The following MYO5C variants were observed in gnomAD, a reference collection of about 807,000 sequenced individuals.
MYO5C encodes unconventional myosin-Vc.
MYO5C carries 194 observed loss-of-function variants against 235.7 expected under a neutral mutation model. That is an observed-to-expected ratio of 0.82 (90% CI 0.73 to 0.93). MYO5C has a LOEUF of 0.93. Among genes scored for constraint, MYO5C ranks in the 40% least tolerant of loss-of-function variants. The pLI is 0.00. For synonymous variants in MYO5C, 707 were observed against 754.8 expected (o/e 0.94, Z 1.04); for missense variants, 2,038 against 2,127.2 (o/e 0.96, Z 0.82).
At chr15:52,286,468 T>G (rs914510317) in intron 1 of MYO5C, among the ~76,000 whole-genome samples, 1 of 152,074 alleles carries the variant, frequency 6.6e-6, no homozygotes, top group Non-Finnish European at 1.5e-5. Flanking sequence ...GAACGGGCCA[T>G]GATGACAATG....
intron 39 of MYO5C, among the ~76,000 whole-genome samples, chr15:52,195,711 T>G (rs1320782804): frequency 1.3e-5 from 2 of 152,026 alleles, no homozygotes; most frequent in Non-Finnish European, 2.9e-5. Context: ...ACCTCCCACA[T>G]GGCCACCCCT....
chr15:52,275,673 A>C lies in MYO5C; in HGVS notation c.495T>G (p.Ala165=), dbSNP rs1276208738. The change falls in exon 5 of 41, where the codon GCT becomes GCG. Residue 165 remains alanine, a synonymous_variant. Transcript: ENST00000261839. ...CATAGCGAGCCGACACTGTCTTTCC[A>C]GCACCTGACTCCCCACTTACAATTA... is the stretch of plus-strand genomic sequence containing the variant. The part of the protein sequence containing the change: ...QSIIVSGESG[A]GKTVSARYAM... The C allele has an allele frequency of 1.9e-6, 3 of 1,614,102 alleles. No individual in the cohort carries two copies. The highest frequency in any genetic ancestry group is 2.5e-6 in the Non-Finnish European group (3 of 1,180,058).
intron 24 of MYO5C, among the ~76,000 whole-genome samples, chr15:52,232,358 G>GGAAAA (rs1161164705): frequency 3.7e-5 from 5 of 135,754 alleles, no homozygotes; most frequent in Admixed American, 1.5e-4. Flanking sequence ...AAGAAAGAAA[G>GGAAAA]GAAAAGAAAA....
In MYO5C at chr15:52,229,145, G is replaced by A; in HGVS notation, c.3195C>T (p.Ser1065=). 1 of 1,614,176 alleles carries A rather than the reference G, an allele frequency of 6.2e-7. No individual in the cohort carries two copies. Among genetic ancestry groups the A allele is most frequent in the African/African-American group, 1.3e-5 (1 of 75,052 alleles). The change falls in exon 25 of 41, where the codon AGC becomes AGT. Residue 1065 remains serine, a synonymous_variant. Coordinates refer to ENST00000261839, the MANE Select transcript of MYO5C (RefSeq NM_018728.4). ...DGLKAEVARL[S]KQVKTISEFE... is the part of the protein sequence containing the mutation. Reference sequence around the variant, plus strand: ...AGAGCCGCTCTACCTTGACCTGCTTGCTCAGGCGGGCCACTTCCGCCTTCA... The same window carrying A: ...AGAGCCGCTCTACCTTGACCTGCTTACTCAGGCGGGCCACTTCCGCCTTCA...
At chr15:52,268,819 G>C (rs1279891764) in intron 8 of MYO5C, among the ~76,000 whole-genome samples, 1 of 152,180 alleles carries the variant, frequency 6.6e-6, no homozygotes, top group Non-Finnish European at 1.5e-5. Flanking sequence ...TAGAAGATGG[G>C]GTTTTCTGTA....
chr15:52,276,782 C>G (rs764346038), intron 4 of MYO5C, among the ~76,000 whole-genome samples: 3 of 152,104 alleles, frequency 2.0e-5, no homozygotes, highest in Non-Finnish European at 2.9e-5. Context: ...CCAACATGCT[C>G]TGTTATATAA....
chr15:52,290,374 A>T (rs1264472577), intron 1 of MYO5C, among the ~76,000 whole-genome samples: 1 of 152,058 alleles, frequency 6.6e-6, no homozygotes, highest in East Asian at 1.9e-4. Context: ...AAGTCTAAAA[A>T]CTATTTAGAA....
intron 2 of MYO5C, among the ~76,000 whole-genome samples, chr15:52,280,065 T>C (rs2037133887): frequency 6.6e-6 from 1 of 152,102 alleles, no homozygotes. Context: ...GTGGTTTAAA[T>C]GTTGAGGCCA....
At chr15:52,239,615 G>A (rs535198349) in intron 21 of MYO5C, 118 bp downstream of exon 21, 115 of 1,087,210 alleles carry the variant, frequency 1.1e-4, no homozygotes, top group African/African-American at 5.3e-4. Context: ...GGTGGTCCAC[G>A]TAAACTGAAC....
intron 38 of MYO5C, among the ~76,000 whole-genome samples, chr15:52,200,406 A>G (rs1447773823): frequency 6.6e-6 from 1 of 152,088 alleles, no homozygotes; most frequent in African/African-American, 2.4e-5. Flanking sequence ...CGTCTCTACT[A>G]AAAATGTAAA....
At chr15:52,217,041 T>C (rs1364278062) in intron 32 of MYO5C, among the ~76,000 whole-genome samples, 1 of 152,164 alleles carries the variant, frequency 6.6e-6, no homozygotes, top group Non-Finnish European at 1.5e-5. Flanking sequence ...CCTCCATAAT[T>C]GAGAGAACAC....
At chr15:52,272,948 G>A (rs2036958326) in intron 5 of MYO5C, among the ~76,000 whole-genome samples, 1 of 152,190 alleles carries the variant, frequency 6.6e-6, no homozygotes, top group African/African-American at 2.4e-5. Context: ...CAGATACTGG[G>A]GAGGACCAGA....
intron 9 of MYO5C, among the ~76,000 whole-genome samples, chr15:52,261,991 CT>C (rs766713456): frequency 6.6e-6 from 1 of 152,230 alleles, no homozygotes; most frequent in Non-Finnish European, 1.5e-5. Context: ...CCCACACCCC[CT>C]GCTGACCAAT....
intron 8 of MYO5C, among the ~76,000 whole-genome samples, chr15:52,268,149 T>C (rs2036850351): frequency 6.6e-6 from 1 of 152,206 alleles, no homozygotes. Flanking sequence ...GCCTATTCCT[T>C]GGATATGTTT....
intron 30 of MYO5C, 65 bp downstream of exon 30, chr15:52,221,097 T>C: frequency 7.7e-7 from 1 of 1,295,204 alleles, no homozygotes; most frequent in Non-Finnish European, 1.1e-6. Flanking sequence ...CAAGGACATT[T>C]CAATGTCATT....
At chr15:52,291,642 T>C (rs1282231382) in intron 1 of MYO5C, among the ~76,000 whole-genome samples, 6 of 151,958 alleles carry the variant, frequency 3.9e-5, no homozygotes, top group Non-Finnish European at 8.8e-5. Context: ...TTCATCCTTG[T>C]TGACTTCTCT....
intron 9 of MYO5C, among the ~76,000 whole-genome samples, chr15:52,262,422 T>C (rs1438019616): frequency 6.6e-6 from 1 of 152,184 alleles, no homozygotes; most frequent in Non-Finnish European, 1.5e-5. Context: ...AGAAATCACA[T>C]TTTTAATCTA....
At chr15:52,215,085 G>A (rs1253942403) in intron 32 of MYO5C, among the ~76,000 whole-genome samples, 1 of 152,134 alleles carries the variant, frequency 6.6e-6, no homozygotes, top group Non-Finnish European at 1.5e-5. Flanking sequence ...ATTCATCCAT[G>A]TCGTAGCATG....
intron 38 of MYO5C, among the ~76,000 whole-genome samples, chr15:52,199,736 G>A (rs766799467): frequency 3.3e-5 from 5 of 152,060 alleles, no homozygotes; most frequent in Non-Finnish European, 7.4e-5. Flanking sequence ...CAGTGGTGGC[G>A]AAGGAGGCCA....
Sources: gnomAD v4.1 joint callset for allele counts (sites outside exome capture counted in the v4.1 genomes callset) on GRCh38, gnomAD v4.1.1 for gene constraint, MANE v1.5 for transcripts, NCBI Gene and HGNC (gene_info 2026-07-23, HGNC 2026-07-21) for gene names.